The following CADM2 variants were observed in gnomAD, a reference collection of about 807,000 sequenced individuals.
CADM2 encodes the protein immunoglobulin superfamily member 4D.
A neutral mutation model predicts 49.8 loss-of-function variants in CADM2; 12 were observed. The ratio of observed to expected loss-of-function variants is 0.24; its 90% CI spans 0.15 to 0.39. The LOEUF (loss-of-function observed/expected upper bound fraction) is 0.39, where lower values mean the gene tolerates loss of function less well. CADM2 is among the 10% of genes least tolerant of loss of function. The pLI is 1.00. For synonymous variants in CADM2, 214 were observed against 175.4 expected, an observed-to-expected ratio of 1.22 and a Z score of -1.74; for missense variants, 378 against 492.3, an observed-to-expected ratio of 0.77 and a Z score of 2.20.
intron 3 of CADM2, among the ~76,000 whole-genome samples, chr3:85,838,301 G>GA (rs2074490079): frequency 6.6e-6 from 1 of 151,604 alleles, no homozygotes; most frequent in Non-Finnish European, 1.5e-5. Context: ...GTGGGCTCAA[G>GA]AAAAAATAAA....
chr3:85,376,695 G>A, intron 1 of CADM2, among the ~76,000 whole-genome samples: 1 of 151,888 alleles, frequency 6.6e-6, no homozygotes, highest in South Asian at 2.1e-4. Flanking sequence ...ATTTTTAAAG[G>A]AGATCATTGT....
At chr3:85,592,009 A>G (rs2107346507) in intron 1 of CADM2, among the ~76,000 whole-genome samples, 1 of 152,122 alleles carries the variant, frequency 6.6e-6, no homozygotes, top group East Asian at 1.9e-4. Flanking sequence ...TATAATGTAT[A>G]GAAAGACTTA....
chr3:85,679,213 G>T (rs929456134), intron 1 of CADM2, among the ~76,000 whole-genome samples: 2 of 152,156 alleles, frequency 1.3e-5, no homozygotes, highest in African/African-American at 4.8e-5. Flanking sequence ...AGAGGGAAGT[G>T]CCAGGGAAGA....
chr3:85,927,155 T>C (rs1480631551), intron 6 of CADM2, among the ~76,000 whole-genome samples: 2 of 152,210 alleles, frequency 1.3e-5, no homozygotes, highest in African/African-American at 2.4e-5. Context: ...ATGTTTACTA[T>C]TATTAGAAGA....
intron 3 of CADM2, among the ~76,000 whole-genome samples, chr3:85,850,394 G>A (rs943452053): frequency 2.1e-5 from 3 of 143,116 alleles, no homozygotes; most frequent in African/African-American, 5.2e-5. Context: ...GCGCGATCTC[G>A]GCTCACTGCA....
At chr3:85,715,528 T>C (rs1553670963) in intron 1 of CADM2, among the ~76,000 whole-genome samples, 1 of 152,198 alleles carries the variant, frequency 6.6e-6, no homozygotes, top group Non-Finnish European at 1.5e-5. Flanking sequence ...AATTATACTT[T>C]AAGTTCTGGG....
chr3:85,336,761 T>C (rs991697167), intron 1 of CADM2, among the ~76,000 whole-genome samples: 2 of 149,984 alleles, frequency 1.3e-5, no homozygotes, highest in Admixed American at 6.7e-5. Flanking sequence ...ATTTCGTATA[T>C]GAAACATTTA....
intron 1 of CADM2, among the ~76,000 whole-genome samples, chr3:85,370,046 C>G (rs2107314112): frequency 6.6e-6 from 1 of 151,616 alleles, no homozygotes; most frequent in East Asian, 1.9e-4. Flanking sequence ...AACCCCGTGT[C>G]TACTAAAAAT....
chr3:85,998,936 C>T (rs1729776397), intron 8 of CADM2, among the ~76,000 whole-genome samples: 1 of 151,894 alleles, frequency 6.6e-6, no homozygotes, highest in Non-Finnish European at 1.5e-5. Context: ...TGAGAGATAC[C>T]AAAGAACTGA....
chr3:85,670,819 G>C (rs974494899), intron 1 of CADM2, among the ~76,000 whole-genome samples: 2 of 152,118 alleles, frequency 1.3e-5, no homozygotes, highest in African/African-American at 4.8e-5. Flanking sequence ...CATAACAATG[G>C]AGTGACTATA....
chr3:85,208,360 A>C (rs1194808288), intron 1 of CADM2, among the ~76,000 whole-genome samples: 1 of 152,174 alleles, frequency 6.6e-6, no homozygotes, highest in Non-Finnish European at 1.5e-5. Flanking sequence ...AGGAAGGTGT[A>C]TGACTTAGTC....
At chr3:85,856,064 A>G (rs1414549365) in intron 3 of CADM2, among the ~76,000 whole-genome samples, 3 of 152,156 alleles carry the variant, frequency 2.0e-5, no homozygotes, top group Non-Finnish European at 4.4e-5. Context: ...GCACCCTTCC[A>G]TTTATAGCAA....
At chr3:85,846,830 C>G (rs1020921591) in intron 3 of CADM2, among the ~76,000 whole-genome samples, 9 of 152,054 alleles carry the variant, frequency 5.9e-5, no homozygotes, top group Non-Finnish European at 1.2e-4. Context: ...CCACAGTACT[C>G]CAGTCTGCGT....
chr3:84,960,234 C>T (rs1309234808), intron 1 of CADM2: 1 of 152,732 alleles, frequency 6.5e-6, no homozygotes, highest in African/African-American at 2.4e-5. Flanking sequence ...GCAATAACAT[C>T]CCCGGGGGGG....
chr3:85,406,623 T>C (rs1340988107), intron 1 of CADM2, among the ~76,000 whole-genome samples: 1 of 152,154 alleles, frequency 6.6e-6, no homozygotes, highest in Non-Finnish European at 1.5e-5. Flanking sequence ...GGATCTTCTC[T>C]TCCAAATCTG....
At chr3:86,018,633 G>A (rs150477574) in intron 8 of CADM2, among the ~76,000 whole-genome samples, 9,965 of 152,222 alleles carry the variant, frequency 0.065, 873 homozygotes, top group African/African-American at 0.19. Flanking sequence ...GCCAGTGATG[G>A]TGAGCATTTT....
chr3:85,801,619 G>A (rs2072042000), intron 2 of CADM2, among the ~76,000 whole-genome samples: 1 of 152,062 alleles, frequency 6.6e-6, no homozygotes, highest in Non-Finnish European at 1.5e-5. Context: ...CTTTATTCAG[G>A]ATTATAAAAG....
intron 1 of CADM2, among the ~76,000 whole-genome samples, chr3:85,023,102 T>G (rs1479325002): frequency 6.6e-6 from 1 of 152,160 alleles, no homozygotes; most frequent in Non-Finnish European, 1.5e-5. Context: ...GAGTTTTAAG[T>G]GCATTATATG....
At chr3:85,387,170 A>G (rs528599249) in intron 1 of CADM2, among the ~76,000 whole-genome samples, 2 of 152,336 alleles carry the variant, frequency 1.3e-5, no homozygotes, top group East Asian at 3.9e-4. Flanking sequence ...TGGTCAGGCT[A>G]CAGACCATGC....
Sources: allele counts gnomAD v4.1 joint callset (sites outside exome capture counted in the v4.1 genomes callset), GRCh38; gene constraint gnomAD v4.1.1; transcripts MANE v1.5; gene names NCBI Gene and HGNC (gene_info 2026-07-23, HGNC 2026-07-21).